SYT16: variants seen among roughly 807,000 people sequenced by gnomAD.
The protein encoded by SYT16 is synaptotagmin 16.
SYT16 carries 42 observed loss-of-function variants against 61.4 expected under a neutral mutation model. The observed-to-expected ratio is 0.68, with a 90% CI of 0.53 to 0.89. The LOEUF (loss-of-function observed/expected upper bound fraction) is 0.89, where lower values mean the gene tolerates loss of function less well. Ranked by LOEUF, SYT16 falls within the 40% of genes least tolerant of loss-of-function variation. The pLI is 0.00. For missense variants in SYT16, 804 were observed against 807.3 expected, an observed-to-expected ratio of 1.00 and a Z score of 0.05; for synonymous variants, 314 against 302.3, an observed-to-expected ratio of 1.04 and a Z score of -0.40.
At chr14:61,851,378 C>A (rs1438084203) in intron 1 of SYT16, among the ~76,000 whole-genome samples, 1 of 152,170 alleles carries the variant, frequency 6.6e-6, no homozygotes. Flanking sequence ...CATACGTATG[C>A]AGGTATCTTT....
At chr14:62,084,126 A>G in intron 6 of SYT16, 70 bp from the exon 7 acceptor site, 1 of 1,530,390 alleles carries the variant, frequency 6.5e-7, no homozygotes, top group Non-Finnish European at 8.8e-7. Flanking sequence ...ACCAAACATA[A>G]TATCGGCTTT....
chr14:61,935,844 A>G (rs2049960408), intron 1 of SYT16, among the ~76,000 whole-genome samples: 1 of 152,254 alleles, frequency 6.6e-6, no homozygotes, highest in Non-Finnish European at 1.5e-5. Flanking sequence ...AAATAAGAAC[A>G]TATGAAAACA....
rs566518590 is a variant in SYT16, at chr14:61,842,790, G to A, written c.-325+29980G>A. 1.8e-3 allele frequency among the ~76,000 whole-genome samples: 271 copies of A among 150,516 alleles called. 1 individual carries two copies. The highest frequency in any genetic ancestry group is 5.8e-3 in the African/African-American group (237 of 41,056). Reference sequence around the variant, plus strand: ...GGGACTGTTAGGGGGTGGGGGGAGCGGGGAGGGATAGCATTAGGAGATATA... The same window carrying A: ...GGGACTGTTAGGGGGTGGGGGGAGCAGGGAGGGATAGCATTAGGAGATATA... On this transcript the variant is annotated intron_variant, in intron 1 of 7. Transcript: ENST00000683842.
At chr14:61,996,640 TTCTC>T in intron 3 of SYT16, 98 bp downstream of exon 3, 1 of 1,423,798 alleles carries the variant, frequency 7.0e-7, no homozygotes, top group Admixed American at 2.3e-5. Flanking sequence ...GATTTTATTT[TTCTC>T]TCTCTTATAC....
intron 1 of SYT16, among the ~76,000 whole-genome samples, chr14:61,901,528 C>T (rs1876803830): frequency 6.6e-6 from 1 of 152,072 alleles, no homozygotes; most frequent in Non-Finnish European, 1.5e-5. Context: ...GATTTTATTT[C>T]ATGTCTCCTA....
chr14:61,904,731 A>C (rs1302448226), intron 1 of SYT16, among the ~76,000 whole-genome samples: 2 of 152,212 alleles, frequency 1.3e-5, no homozygotes, highest in African/African-American at 4.8e-5. Flanking sequence ...CATTCTTCTC[A>C]CTGGGCCTCT....
chr14:61,865,217 G>T, intron 1 of SYT16: 1 of 1,084,590 alleles, frequency 9.2e-7, no homozygotes. Context: ...TCTGGATTCT[G>T]GGGCACCCCA....
chr14:61,876,651 G>A (rs1373943503), intron 1 of SYT16, among the ~76,000 whole-genome samples: 1 of 152,204 alleles, frequency 6.6e-6, no homozygotes, highest in Non-Finnish European at 1.5e-5. Context: ...ATTTCAGGAA[G>A]ACAGATGGCG....
At chr14:62,067,746 T>A (rs189041649) in intron 3 of SYT16, among the ~76,000 whole-genome samples, 45 of 152,274 alleles carry the variant, frequency 3.0e-4, no homozygotes, top group Admixed American at 2.9e-3. Flanking sequence ...CTCACGCCTG[T>A]AATCCCAACA....
chr14:61,908,425 T>C (rs1165938830), intron 1 of SYT16, among the ~76,000 whole-genome samples: 1 of 152,214 alleles, frequency 6.6e-6, no homozygotes, highest in Non-Finnish European at 1.5e-5. Flanking sequence ...TTTAAAGTCA[T>C]TTCAGGTATT....
At chr14:62,078,106 G>GCTCT (rs138705547) in intron 5 of SYT16, among the ~76,000 whole-genome samples, 20,224 of 137,308 alleles carry the variant, frequency 0.15, 1,680 homozygotes, top group African/African-American at 0.24. Context: ...TTGTGCGCTT[G>GCTCT]CTCTCTCTCT....
intron 1 of SYT16, among the ~76,000 whole-genome samples, chr14:61,952,688 ATGAT>A (rs1436553900): frequency 1.3e-5 from 2 of 152,212 alleles, no homozygotes; most frequent in African/African-American, 4.8e-5. Context: ...GTTTTGAAAA[ATGAT>A]TGGTTGCTAG....
chr14:61,916,805 TTC>T (rs1291693214), intron 1 of SYT16, among the ~76,000 whole-genome samples: 1 of 152,156 alleles, frequency 6.6e-6, no homozygotes, highest in Non-Finnish European at 1.5e-5. Context: ...TCCACTTTTT[TTC>T]TTTTGGCTCC....
intron 6 of SYT16, among the ~76,000 whole-genome samples, chr14:62,083,152 G>T (rs1346861654): frequency 1.6e-5 from 1 of 62,240 alleles, no homozygotes; most frequent in Non-Finnish European, 3.5e-5. Context: ...CCTCAGGTTA[G>T]GTGGGGGGCG....
chr14:61,857,144 C>CT (rs113878017), intron 1 of SYT16, among the ~76,000 whole-genome samples: 13,363 of 152,190 alleles, frequency 0.088, 621 homozygotes, highest in Non-Finnish European at 0.1. Context: ...TTGCTCCAGA[C>CT]TGTGGGGTCA....
chr14:62,106,108 G>T lies in SYT16; in HGVS notation c.*5401G>T, dbSNP rs536401935. The T allele has an allele frequency of 6.6e-6, 1 of 152,302 alleles. No individual in the cohort carries two copies. The highest frequency in any genetic ancestry group is 2.4e-5 in the African/African-American group (1 of 41,552). 9.4% of individuals were successfully genotyped at this position (152,302 alleles called of 1,614,324 possible). On this transcript the variant is annotated 3_prime_UTR_variant, in exon 8 of 8. Transcript: ENST00000683842. Reference sequence around the variant, plus strand: ...AGCATCCCTCTAAATCAAGTCTGGAGAATTATGTGAAGGTTGTTTCTCATT... The same window carrying T: ...AGCATCCCTCTAAATCAAGTCTGGATAATTATGTGAAGGTTGTTTCTCATT...
At chr14:61,947,229 AT>A (rs944695940) in intron 1 of SYT16, among the ~76,000 whole-genome samples, 90 of 141,642 alleles carry the variant, frequency 6.4e-4, no homozygotes, top group African/African-American at 2.3e-3. Flanking sequence ...ATTGCTGGGT[AT>A]TTTCGGTGGA....
chr14:61,937,592 G>C (rs1214777703), intron 1 of SYT16, among the ~76,000 whole-genome samples: 1 of 152,186 alleles, frequency 6.6e-6, no homozygotes, highest in Non-Finnish European at 1.5e-5. Context: ...TTGATGTACA[G>C]CCACTGTGGA....
chr14:61,982,822 A>G (rs560639359), intron 2 of SYT16, among the ~76,000 whole-genome samples: 2 of 152,336 alleles, frequency 1.3e-5, no homozygotes, highest in African/African-American at 2.4e-5. Flanking sequence ...TTGTCTGCAC[A>G]TGCTAAAAAC....
Sources: gnomAD v4.1 joint callset for allele counts (sites outside exome capture counted in the v4.1 genomes callset) on GRCh38, gnomAD v4.1.1 for gene constraint, MANE v1.5 for transcripts, NCBI Gene and HGNC (gene_info 2026-07-23, HGNC 2026-07-21) for gene names.